The following DLX1 variants were observed in gnomAD, a reference collection of about 807,000 sequenced individuals.
The protein encoded by DLX1 is homeobox protein DLX-1.
A neutral mutation model predicts 25.0 loss-of-function variants in DLX1; 7 were observed. That is an observed-to-expected ratio of 0.28 (90% CI 0.16 to 0.52). The LOEUF is 0.52. Among genes scored for constraint, DLX1 ranks in the 20% least tolerant of loss-of-function variants. The pLI is 0.96. For missense variants in DLX1, 233 were observed against 334.4 expected (o/e 0.70, Z 2.37); for synonymous variants, 155 against 140.3 (o/e 1.10, Z -0.74).
intron 2 of DLX1, 177 bp downstream of exon 2, chr2:172,087,030 T>C: frequency 1.3e-6 from 1 of 748,740 alleles, no homozygotes; most frequent in Non-Finnish European, 2.4e-6. Context: ...CTGCCCTAGC[T>C]CTGTCACTGC....
At chr2:172,087,643 G>C (rs1690868890) in intron 2 of DLX1, 1 of 518,656 alleles carries the variant, frequency 1.9e-6, no homozygotes, top group East Asian at 5.1e-5. Context: ...GTTGATATTG[G>C]AATTGCTGGC....
rs772973657 is a variant in DLX1 at position 172,085,856 on chromosome 2, C to G, written c.179C>G (p.Ala60Gly). ...HSQPDGAYSS[A>G]SSFSRPLGYP... is the part of the protein sequence containing the mutation. ...CAGCCCGACGGCGCCTACAGCTCAGCCTCGTCCTTCTCCCGACCGCTGGGC... is the reference window on the plus strand; with the variant it reads ...CAGCCCGACGGCGCCTACAGCTCAGGCTCGTCCTTCTCCCGACCGCTGGGC... The change falls in exon 1 of 3, where the codon GCC becomes GGC. Residue 60 changes from alanine (A) to glycine (G), a missense_variant. By Grantham distance (60) the Ala-to-Gly change is moderately conservative. Around this residue, in one of 3 missense-constraint regions of DLX1, gnomAD observed 126 missense variants for 170.4 expected, o/e 0.74. Coordinates refer to ENST00000361725, the MANE Select transcript of DLX1 (RefSeq NM_178120.5). The surrounding 1 kb of genome is among the most constrained non-coding windows in gnomAD (Gnocchi z 4.3). 5.0e-6 allele frequency: 8 copies of G among 1,614,232 alleles called. No homozygotes were observed. In the South Asian group the frequency reaches 8.8e-5, roughly 18 times the overall value.
At chr2:172,087,665 C>A in intron 2 of DLX1, 1 of 556,104 alleles carries the variant, frequency 1.8e-6, no homozygotes, top group Admixed American at 2.2e-5. Context: ...CGGTGTTATG[C>A]AGGCGCTGTA....
intron 1 of DLX1, 62 bp downstream of exon 1, chr2:172,086,052 GC>G (rs1690832691): frequency 6.7e-7 from 1 of 1,499,398 alleles, no homozygotes; most frequent in Admixed American, 2.0e-5. Flanking sequence ...GAAAGAAGGA[GC>G]GGGGGAGAAG....
rs1208964528 is a variant in DLX1 at position 172,085,565 on chromosome 2, G to C, written c.-113G>C. The C allele has an allele frequency of 8.9e-7, 1 of 1,117,576 alleles. No individual in the cohort carries two copies. The highest frequency in any genetic ancestry group is 1.3e-6 in the Non-Finnish European group (1 of 777,058). The allele number at this position is 1,117,576 out of a possible 1,614,324, so 69.2% of individuals were successfully genotyped here. A position where few individuals can be genotyped will look rare whatever the true frequency, so the allele number is the denominator to read the frequency against. The stretch of plus-strand genomic sequence containing the variant: ...AACTCCATTTTCTTATGAATGGAAA[G>C]TGAAAACCCCTGTTCCGCTTAAATT... On this transcript the variant is annotated 5_prime_UTR_variant, in exon 1 of 3. Coordinates refer to ENST00000361725, the MANE Select transcript of DLX1 (RefSeq NM_178120.5). The surrounding 1 kb of genome is among the most constrained non-coding windows in gnomAD (Gnocchi z 4.3).
Position 172,086,833 on chromosome 2 carries a change from T to C in DLX1, c.493T>C (p.Leu165=), listed in dbSNP as rs755683075. ...LPERAELAAS[L]GLTQTQVKIW... Reference sequence around the variant, plus strand: ...GGAGAGGGCGGAGCTCGCGGCCTCTTTGGGACTCACACAGACTCAGGTACC... The same window carrying C: ...GGAGAGGGCGGAGCTCGCGGCCTCTCTGGGACTCACACAGACTCAGGTACC... The change falls in exon 2 of 3, where the codon TTG becomes CTG. Residue 165 remains leucine, a synonymous_variant. Coordinates refer to ENST00000361725, the MANE Select transcript of DLX1 (RefSeq NM_178120.5). The C allele has an allele frequency of 3.7e-6, 6 of 1,614,112 alleles. No individual in the cohort carries two copies. In the African/African-American group the frequency reaches 6.7e-5, roughly 18 times the overall value.
intron 1 of DLX1, 80 bp downstream of exon 1, chr2:172,086,070 G>A: frequency 7.9e-7 from 1 of 1,258,866 alleles, no homozygotes; most frequent in South Asian, 1.5e-5. Context: ...GAAGAGGAGA[G>A]GGAGAGAGAG....
At chr2:172,086,585 C>T in intron 1 of DLX1, 69 bp from the exon 2 acceptor site, 1 of 1,439,714 alleles carries the variant, frequency 6.9e-7, no homozygotes, top group Non-Finnish European at 9.4e-7. Flanking sequence ...TAGCCACTCG[C>T]TCTCGGCTGT....
rs1487152678 is a variant in DLX1, at chr2:172,085,857, C to G, written c.180C>G (p.Ala60=). The G allele has an allele frequency of 6.2e-7, 1 of 1,614,222 alleles. No homozygotes were observed. The highest frequency in any genetic ancestry group is 1.7e-5 in the Admixed American group (1 of 60,030). Residue 60 remains alanine, a synonymous_variant, in exon 1 of 3, where the codon GCC becomes GCG. Transcript: ENST00000361725. The surrounding 1 kb of genome is among the most constrained non-coding windows in gnomAD (Gnocchi z 4.3). The part of the protein sequence containing the change: ...HSQPDGAYSS[A]SSFSRPLGYP... ...AGCCCGACGGCGCCTACAGCTCAGC[C>G]TCGTCCTTCTCCCGACCGCTGGGCT...
chr2:172,088,938 T>A lies in DLX1; in HGVS notation c.*681T>A, dbSNP rs1441894953. ...CACTGTTCAAACGCACTGTTTACTTTAAGCGCACGGGGAGAAACGAATAAG... is the reference window on the plus strand; with the variant it reads ...CACTGTTCAAACGCACTGTTTACTTAAAGCGCACGGGGAGAAACGAATAAG... On this transcript the variant is annotated 3_prime_UTR_variant, in exon 3 of 3. Transcript: ENST00000361725. The A allele has an allele frequency of 6.6e-6, 1 of 152,270 alleles. No homozygotes were observed. Among genetic ancestry groups the A allele is most frequent in the Non-Finnish European group, 1.5e-5 (1 of 68,050 alleles). 9.4% of individuals were successfully genotyped at this position (152,270 alleles called of 1,614,324 possible). A position where few individuals can be genotyped will look rare whatever the true frequency, so the allele number is the denominator to read the frequency against.
intron 1 of DLX1, chr2:172,086,261 C>A: frequency 1.9e-6 from 1 of 532,762 alleles, no homozygotes. Context: ...CTGGCTGGGC[C>A]TCTGGGCGGC....
intron 1 of DLX1, chr2:172,086,302 G>A: frequency 2.1e-6 from 1 of 472,058 alleles, no homozygotes; most frequent in Non-Finnish European, 3.7e-6. Flanking sequence ...TGCCCCGCTG[G>A]AAAACAGAAA....
intron 1 of DLX1, 155 bp from the exon 2 acceptor site, chr2:172,086,499 A>G: frequency 1.4e-6 from 1 of 718,078 alleles, no homozygotes. Flanking sequence ...AGGCCCTCGG[A>G]TTTTGGGGGA....
chr2:172,087,424 C>T (rs1333780227), intron 2 of DLX1: 4 of 426,050 alleles, frequency 9.4e-6, no homozygotes, highest in African/African-American at 8.2e-5. Context: ...TTTCCGACGT[C>T]CGGTCCGGGA....
At chr2:172,086,565 C>T (rs1210320686) in intron 1 of DLX1, 89 bp from the exon 2 acceptor site, 9 of 1,307,060 alleles carry the variant, frequency 6.9e-6, no homozygotes, top group Non-Finnish European at 9.5e-6. Flanking sequence ...CTGCCTCCGC[C>T]ACCCTTCGGT....
chr2:172,088,267 C>A lies in DLX1; in HGVS notation c.*10C>A, dbSNP rs1690901499. Reference sequence around the variant, plus strand: ...ACCCCAACTTATGTGAGGTTGCCCGCCCGTCTCCTTCTTGTCTCCCCGGCC... The same window carrying A: ...ACCCCAACTTATGTGAGGTTGCCCGACCGTCTCCTTCTTGTCTCCCCGGCC... On this transcript the variant is annotated 3_prime_UTR_variant, in exon 3 of 3. Transcript: ENST00000361725. 6.9e-7 allele frequency: 1 copy of A among 1,453,112 alleles called. No homozygotes were observed. Among genetic ancestry groups the A allele is most frequent in the African/African-American group, 1.5e-5 (1 of 68,538 alleles). 90.0% of individuals were successfully genotyped at this position (1,453,112 alleles called of 1,614,324 possible). A position where few individuals can be genotyped will look rare whatever the true frequency, so the allele number is the denominator to read the frequency against.
intron 1 of DLX1, chr2:172,086,435 G>A (rs1690840205): frequency 2.0e-6 from 1 of 497,590 alleles, no homozygotes; most frequent in African/African-American, 2.0e-5. Context: ...TCCCTGCAAA[G>A]GCAGGAGCTG....
At chr2:172,086,070 G>GGGAGAGAGAGAGAAAGAGAAGAGA in intron 1 of DLX1, 80 bp downstream of exon 1, 1 of 1,258,866 alleles carries the variant, frequency 7.9e-7, no homozygotes, top group South Asian at 1.5e-5. Context: ...GAAGAGGAGA[G>GGGAGAGAGAGAGAAAGAGAAGAGA]GGAGAGAGAG....
At chr2:172,087,069 G>A in intron 2 of DLX1, 2 of 715,814 alleles carry the variant, frequency 2.8e-6, no homozygotes, top group Non-Finnish European at 5.2e-6. Flanking sequence ...CCTGCCGTCC[G>A]GCCCTCTGTC....
Sources: allele counts gnomAD v4.1 joint callset, GRCh38; gene constraint gnomAD v4.1.1; regional missense constraint gnomAD v4.1.1; non-coding constraint Gnocchi (gnomAD v3.1); transcripts MANE v1.5; gene names NCBI Gene and HGNC (gene_info 2026-07-23, HGNC 2026-07-21).